Variants in MRC2 observed in about 807,000 individuals in gnomAD.
MRC2 encodes mannose receptor C-type 2, also known as C-type mannose receptor 2.
In MRC2, 84 loss-of-function variants were observed where a neutral mutation model predicts 206.2. The observed-to-expected ratio is 0.41, with a 90% CI of 0.34 to 0.49. The LOEUF is 0.49. MRC2 is among the 20% of genes least tolerant of loss of function. The pLI, the probability that MRC2 is intolerant of heterozygous loss-of-function variation, is 0.31. For missense variants in MRC2, 1,676 were observed against 2,001.5 expected (o/e 0.84, Z 3.10); for synonymous variants, 798 against 800.0 (o/e 1.00, Z 0.04).
intron 1 of MRC2, among the ~76,000 whole-genome samples, chr17:62,648,451 C>T (rs2088517550): frequency 6.6e-6 from 1 of 152,238 alleles, no homozygotes; most frequent in Non-Finnish European, 1.5e-5. Context: ...CACACTTTCC[C>T]TTCCAGCTGC....
Position 62,688,388 on chromosome 17 carries a change from A to C in MRC2, c.3046A>C (p.Asn1016His). 1 of 1,614,214 alleles carries C rather than the reference A, an allele frequency of 6.2e-7. No individual in the cohort carries two copies. Residue 1016 changes from asparagine (N) to histidine (H), a missense_variant, in exon 21 of 30, where the codon AAC becomes CAC. This residue lies in a region of MRC2 where 1,354 missense variants were observed against 1,636.6 expected (regional missense o/e 0.83). Coordinates refer to ENST00000303375, the MANE Select transcript of MRC2 (RefSeq NM_006039.5). ...QQEAQLVTIT[N>H]PLEQAFITAS... ...AGAGGCCCAGCTGGTCACCATCACA[A>C]ACCCCTTAGAGCAAGGTAGGGCCAG...
chr17:62,680,075 A>G lies in MRC2; in HGVS notation c.2299-95A>G. The G allele has an allele frequency of 6.4e-7, 1 of 1,566,268 alleles. No individual in the cohort carries two copies. Among genetic ancestry groups the G allele is most frequent in the Non-Finnish European group, 8.7e-7 (1 of 1,149,524 alleles). On this transcript the variant is annotated intron_variant, in intron 14 of 29. Transcript: ENST00000303375. This position sits in a 1 kb window ranked among gnomAD's most constrained non-coding sequence, Gnocchi z 4.8. ...CACCCGGCCCCCGGTGAGAATTCGC[A>G]GCTCAGGCCAGGCCTCTTGTTCACC... is the stretch of plus-strand genomic sequence containing the variant.
At chr17:62,641,273 G>A (rs1242999843) in intron 1 of MRC2, among the ~76,000 whole-genome samples, 1 of 148,730 alleles carries the variant, frequency 6.7e-6, no homozygotes, top group Non-Finnish European at 1.5e-5. Context: ...CTGAGATGGC[G>A]CCATTGCACT....
At chr17:62,679,692 G>A (rs1478030624) in intron 13 of MRC2, 108 bp from the exon 14 acceptor site, 2 of 1,004,992 alleles carry the variant, frequency 2.0e-6, no homozygotes, top group East Asian at 2.6e-5. Context: ...GAGGCCCCAG[G>A]CCCTGGGGGC....
chr17:62,631,430 G>A (rs995216911), intron 1 of MRC2, among the ~76,000 whole-genome samples: 5 of 152,188 alleles, frequency 3.3e-5, no homozygotes, highest in South Asian at 2.1e-4. Context: ...GGTGTTACCA[G>A]TGAGATTCGA....
chr17:62,690,121 G>A (rs370387389), intron 25 of MRC2, 35 bp from the exon 26 acceptor site: 1 of 1,585,906 alleles, frequency 6.3e-7, no homozygotes, highest in East Asian at 2.2e-5. Flanking sequence ...CCCGGGGAGG[G>A]TGCTGAGCCA....
At chr17:62,681,332 A>T (rs938498919) in intron 18 of MRC2, 2 of 623,862 alleles carry the variant, frequency 3.2e-6, no homozygotes, top group Non-Finnish European at 5.6e-6. Flanking sequence ...TTTTGTGAAG[A>T]TTAGAAATAA....
chr17:62,667,683 A>G lies in MRC2; in HGVS notation c.1117+150A>G, dbSNP rs2088775359. 1 of 891,476 alleles carries G rather than the reference A, an allele frequency of 1.1e-6. No homozygotes were observed. Among genetic ancestry groups the G allele is most frequent in the African/African-American group, 1.8e-5 (1 of 57,048 alleles). 55.2% of individuals were successfully genotyped at this position (891,476 alleles called of 1,614,324 possible). On this transcript the variant is annotated intron_variant, in intron 6 of 29. Coordinates refer to ENST00000303375, the MANE Select transcript of MRC2 (RefSeq NM_006039.5). The surrounding 1 kb of genome is among the most constrained non-coding windows in gnomAD (Gnocchi z 4.1). ...CTGACTCTTATTTCATTGTTCAGTT[A>G]AAGTCTGAGCAAATTGGAATATGTC...
In MRC2 at chr17:62,667,313, A is replaced by C; in HGVS notation, c.974-77A>C. Reference sequence around the variant, plus strand: ...TTCCGAGGGAGCAGAGGGAGGTAGGAGGTTCTGAGCAGGGCCCCGGGAGCC... The same window carrying C: ...TTCCGAGGGAGCAGAGGGAGGTAGGCGGTTCTGAGCAGGGCCCCGGGAGCC... On this transcript the variant is annotated intron_variant, in intron 5 of 29. Coordinates refer to ENST00000303375, the MANE Select transcript of MRC2 (RefSeq NM_006039.5). The surrounding 1 kb of genome is among the most constrained non-coding windows in gnomAD (Gnocchi z 4.1). 2 of 1,492,694 alleles carry C rather than the reference A, an allele frequency of 1.3e-6. No individual in the cohort carries two copies. The highest frequency in any genetic ancestry group is 2.8e-5 in the South Asian group (2 of 72,448). The allele number at this position is 1,492,694 out of a possible 1,614,324, so 92.5% of individuals were successfully genotyped here. A position where few individuals can be genotyped will look rare whatever the true frequency, so the allele number is the denominator to read the frequency against.
At chr17:62,648,472 A>G (rs563189144) in intron 1 of MRC2, among the ~76,000 whole-genome samples, 21 of 152,250 alleles carry the variant, frequency 1.4e-4, no homozygotes, top group African/African-American at 4.8e-4. Flanking sequence ...GTTGTGAGTG[A>G]CCTCATTTTC....
At chr17:62,637,556 GAAAA>G (rs2088340066) in intron 1 of MRC2, among the ~76,000 whole-genome samples, 1 of 148,192 alleles carries the variant, frequency 6.7e-6, no homozygotes, top group African/African-American at 2.5e-5. Flanking sequence ...AAAAAGAAAA[GAAAA>G]AGAAAGAATT....
In MRC2 at chr17:62,667,010, C is replaced by T; in HGVS notation, c.973+140C>T. 1.4e-6 allele frequency: 1 copy of T among 707,968 alleles called. No individual in the cohort carries two copies. The highest frequency in any genetic ancestry group is 2.5e-5 in the Admixed American group (1 of 40,620). 43.9% of individuals were successfully genotyped at this position (707,968 alleles called of 1,614,324 possible). ...ACCGACCTCCACCCCCCTCCCCAGA[C>T]TGCGCCCCCCTAGCCCATGTAGGGC... is the stretch of plus-strand genomic sequence containing the variant. On this transcript the variant is annotated intron_variant, in intron 5 of 29. Coordinates refer to ENST00000303375, the MANE Select transcript of MRC2 (RefSeq NM_006039.5). This position sits in a 1 kb window ranked among gnomAD's most constrained non-coding sequence, Gnocchi z 4.1.
At chr17:62,637,208 A>G (rs2088333578) in intron 1 of MRC2, among the ~76,000 whole-genome samples, 1 of 151,646 alleles carries the variant, frequency 6.6e-6, no homozygotes, top group South Asian at 2.1e-4. Context: ...AAAAATACAA[A>G]AATACAAAAT....
At chr17:62,630,859 CGTG>C (rs2084210392) in intron 1 of MRC2, among the ~76,000 whole-genome samples, 1 of 152,118 alleles carries the variant, frequency 6.6e-6, no homozygotes, top group African/African-American at 2.4e-5. Context: ...TCTGCTGAGT[CGTG>C]GGGTTCGGAA....
chr17:62,660,829 A>T (rs936783022), intron 1 of MRC2, among the ~76,000 whole-genome samples: 2 of 152,216 alleles, frequency 1.3e-5, no homozygotes, highest in Admixed American at 6.6e-5. Flanking sequence ...TGTCCAGCAT[A>T]TAATAAAAAT....
intron 20 of MRC2, among the ~76,000 whole-genome samples, chr17:62,683,431 G>C (rs1390318531): frequency 1.3e-5 from 2 of 149,186 alleles, no homozygotes; most frequent in Non-Finnish European, 3.0e-5. Flanking sequence ...TCGTGCCATT[G>C]CACTCCAGCC....
chr17:62,691,094 C>T lies in MRC2; in HGVS notation c.4158C>T (p.Asn1386=), dbSNP rs753888089. ...SGLWRPGACT[N]ITMGVVCKLP... is the part of the protein sequence containing the mutation. ...TATGGCGCCCCGGCGCTTGCACCAA[C>T]ATCACCATGGGTGTCGTCTGCAAGC... The change falls in exon 28 of 30, where the codon AAC becomes AAT. Residue 1386 remains asparagine, a synonymous_variant. Transcript: ENST00000303375. 6.2e-7 allele frequency: 1 copy of T among 1,609,986 alleles called. No homozygotes were observed.
chr17:62,629,933 G>A (rs376532974), intron 1 of MRC2, among the ~76,000 whole-genome samples: 2 of 152,318 alleles, frequency 1.3e-5, no homozygotes, highest in East Asian at 3.9e-4. Flanking sequence ...TGTGCCCAGA[G>A]CACGGGGCAG....
intron 18 of MRC2, chr17:62,681,634 C>T: frequency 1.8e-6 from 1 of 549,540 alleles, no homozygotes; most frequent in East Asian, 3.2e-5. Flanking sequence ...TGTCCAGGGA[C>T]AGCTGGGGCC....
Sources: allele counts gnomAD v4.1 joint callset (sites outside exome capture counted in the v4.1 genomes callset), GRCh38; gene constraint gnomAD v4.1.1; regional missense constraint gnomAD v4.1.1; non-coding constraint Gnocchi (gnomAD v3.1); transcripts MANE v1.5; gene names NCBI Gene and HGNC (gene_info 2026-07-23, HGNC 2026-07-21).